The following SLC30A8 variants were observed in gnomAD, a reference collection of about 807,000 sequenced individuals.
The protein encoded by SLC30A8 is proton-coupled zinc antiporter SLC30A8.
SLC30A8 carries 27 observed loss-of-function variants against 36.9 expected under a neutral mutation model. The observed-to-expected ratio is 0.73, with a 90% confidence interval of 0.54 to 1.01. The LOEUF (loss-of-function observed/expected upper bound fraction) is 1.01. Ranked by LOEUF, SLC30A8 falls within the 50% of genes least tolerant of loss-of-function variation. The pLI is 0.00. For synonymous variants in SLC30A8, 164 were observed against 172.4 expected (o/e 0.95, Z 0.38); for missense variants, 439 against 452.0 (o/e 0.97, Z 0.26).
At chr8:117,076,591 T>C (rs923788656) in intron 2 of SLC30A8, among the ~76,000 whole-genome samples, 6 of 152,196 alleles carry the variant, frequency 3.9e-5, no homozygotes, top group African/African-American at 9.7e-5. Flanking sequence ...CAGGCTATTA[T>C]TAATTAAACA....
At chr8:116,978,469 T>G (rs7840423) in intron 1 of SLC30A8, among the ~76,000 whole-genome samples, 4,897 of 79,342 alleles carry the variant, frequency 0.062, 249 homozygotes, top group African/African-American at 0.2. Flanking sequence ...ATATAGTCTT[T>G]TCTTGGCACG....
intron 1 of SLC30A8, among the ~76,000 whole-genome samples, chr8:116,984,934 A>G (rs1178685215): frequency 6.6e-6 from 1 of 151,904 alleles, no homozygotes; most frequent in Non-Finnish European, 1.5e-5. Context: ...TTCTGGCGTT[A>G]GAAAGTACCT....
At chr8:116,996,266 G>A (rs1212378483) in intron 1 of SLC30A8, among the ~76,000 whole-genome samples, 1 of 152,184 alleles carries the variant, frequency 6.6e-6, no homozygotes, top group Non-Finnish European at 1.5e-5. Flanking sequence ...AGGAAACTGA[G>A]GCTCAGAGAC....
chr8:117,122,607 T>C (rs1201890575), intron 2 of SLC30A8, among the ~76,000 whole-genome samples: 2 of 152,034 alleles, frequency 1.3e-5, no homozygotes, highest in Non-Finnish European at 2.9e-5. Context: ...TGACATCTAC[T>C]GTGGCCCCAG....
chr8:116,971,969 A>G (rs900305144), intron 1 of SLC30A8, among the ~76,000 whole-genome samples: 2 of 152,214 alleles, frequency 1.3e-5, no homozygotes, highest in African/African-American at 4.8e-5. Context: ...ACTGAGATAT[A>G]TATACTAATA....
At chr8:117,073,560 G>C (rs1377610583) in intron 2 of SLC30A8, among the ~76,000 whole-genome samples, 3 of 152,074 alleles carry the variant, frequency 2.0e-5, no homozygotes, top group Non-Finnish European at 2.9e-5. Flanking sequence ...GTGCCTGGCC[G>C]ATACTTCTTT....
At chr8:116,985,485 A>AATTTTCTTTGCT (rs1359820554) in intron 1 of SLC30A8, among the ~76,000 whole-genome samples, 2 of 152,128 alleles carry the variant, frequency 1.3e-5, no homozygotes, top group Non-Finnish European at 2.9e-5. Flanking sequence ...TTTTTATAGG[A>AATTTTCTTTGCT]ATTTTCTTTG....
chr8:117,127,426 G>C (rs967592373), intron 2 of SLC30A8, among the ~76,000 whole-genome samples: 8 of 151,752 alleles, frequency 5.3e-5, no homozygotes, highest in Admixed American at 3.3e-4. Context: ...GCAGTGTAGA[G>C]CAACAAATAT....
intron 1 of SLC30A8, among the ~76,000 whole-genome samples, chr8:117,015,017 A>G (rs1466848901): frequency 6.7e-6 from 1 of 149,652 alleles, no homozygotes; most frequent in Non-Finnish European, 1.5e-5. Context: ...TATTACAAAT[A>G]TATATATATA....
intron 1 of SLC30A8, among the ~76,000 whole-genome samples, chr8:117,018,666 C>A (rs907133859): frequency 2.6e-5 from 3 of 115,856 alleles, no homozygotes; most frequent in Non-Finnish European, 3.5e-5. Flanking sequence ...CTGACTAGCC[C>A]CCCCCCCCCT....
chr8:117,171,264 G>A (rs937611575), intron 7 of SLC30A8, 96 bp downstream of exon 7: 2 of 1,339,030 alleles, frequency 1.5e-6, no homozygotes, highest in Non-Finnish European at 2.1e-6. Flanking sequence ...CTTATTGTCT[G>A]TTGCTTGTCA....
intron 1 of SLC30A8, among the ~76,000 whole-genome samples, chr8:117,009,269 G>C (rs1170723128): frequency 1.3e-5 from 2 of 152,216 alleles, no homozygotes; most frequent in African/African-American, 4.8e-5. Context: ...TCAGTGAAGG[G>C]AGATATTTGA....
intron 2 of SLC30A8, among the ~76,000 whole-genome samples, chr8:117,057,508 C>T (rs1817908813): frequency 6.6e-6 from 1 of 152,034 alleles, no homozygotes; most frequent in Non-Finnish European, 1.5e-5. Flanking sequence ...AAGGCATACC[C>T]TTTGATCAAC....
chr8:117,093,667 A>G (rs1455050136), intron 2 of SLC30A8, among the ~76,000 whole-genome samples: 1 of 152,220 alleles, frequency 6.6e-6, no homozygotes, highest in African/African-American at 2.4e-5. Context: ...CATTAGTAAC[A>G]CTACTAACCA....
At chr8:117,004,035 G>A (rs551673891) in intron 1 of SLC30A8, among the ~76,000 whole-genome samples, 1 of 152,282 alleles carries the variant, frequency 6.6e-6, no homozygotes, top group South Asian at 2.1e-4. Flanking sequence ...TCAGAAACAT[G>A]GTGGATGATA....
chr8:117,161,846 G>T lies in SLC30A8; in HGVS notation c.681G>T (p.Gln227His). 1 of 1,613,982 alleles carries T rather than the reference G, an allele frequency of 6.2e-7. No individual in the cohort carries two copies. Among genetic ancestry groups the T allele is most frequent in the Non-Finnish European group, 8.5e-7 (1 of 1,179,904 alleles). Residue 227 changes from glutamine (Q) to histidine (H), a missense_variant, in exon 5 of 8, where the codon CAG becomes CAT. By Grantham distance (24) the Gln-to-His change is conservative (BLOSUM62 0). Transcript: ENST00000456015. The part of the protein sequence containing the change: ...AFVHALGDLF[Q>H]SISVLISALI... ...TGCATGCCCTTGGAGATCTATTTCA[G>T]AGTATCAGTGTGCTAATTAGTGCAC...
At chr8:117,029,653 C>G (rs761884550) in intron 1 of SLC30A8, among the ~76,000 whole-genome samples, 83 of 152,154 alleles carry the variant, frequency 5.5e-4, no homozygotes, top group Non-Finnish European at 1.1e-3. Context: ...CTATGTCTGT[C>G]TCTCACACAA....
intron 1 of SLC30A8, among the ~76,000 whole-genome samples, chr8:117,138,066 A>G (rs1586573233): frequency 6.7e-6 from 1 of 149,870 alleles, no homozygotes; most frequent in Middle Eastern, 3.5e-3. Flanking sequence ...GTAGCAAAAA[A>G]AAAAAAAAAA....
chr8:116,985,892 A>G (rs1393856709), intron 1 of SLC30A8, among the ~76,000 whole-genome samples: 2 of 152,168 alleles, frequency 1.3e-5, no homozygotes, highest in African/African-American at 4.8e-5. Flanking sequence ...ACACAGTTTT[A>G]TTTTTTATCC....
Sources: gnomAD v4.1 joint callset for allele counts (sites outside exome capture counted in the v4.1 genomes callset) on GRCh38, gnomAD v4.1.1 for gene constraint, MANE v1.5 for transcripts, NCBI Gene and HGNC (gene_info 2026-07-23, HGNC 2026-07-21) for gene names.